Variants in ITPR1 observed in about 807,000 individuals in gnomAD.
The protein encoded by ITPR1 is inositol 1,4,5-trisphosphate-gated calcium channel ITPR1.
A neutral mutation model predicts 318.4 loss-of-function variants in ITPR1; 96 were observed. That is an observed-to-expected ratio of 0.30 (90% CI 0.26 to 0.36). The LOEUF is 0.36. Ranked by LOEUF, ITPR1 falls within the 10% of genes least tolerant of loss-of-function variation. The probability of loss-of-function intolerance (pLI) is 1.00; values close to 1 mark genes in which losing one functional copy is unlikely to be tolerated. For missense variants in ITPR1, 2,440 were observed against 3,460.2 expected (o/e 0.71, Z 7.40); for synonymous variants, 1,312 against 1,289.9 (o/e 1.02, Z -0.37).
chr3:4,538,884 G>A (rs1490269814), intron 4 of ITPR1, among the ~76,000 whole-genome samples: 4 of 152,124 alleles, frequency 2.6e-5, no homozygotes, highest in African/African-American at 4.8e-5. Context: ...TAGGGGATGG[G>A]TGAGGGGAGG....
intron 52 of ITPR1, among the ~76,000 whole-genome samples, chr3:4,790,603 C>G (rs2047496048): frequency 1.3e-5 from 2 of 152,024 alleles, no homozygotes; most frequent in African/African-American, 4.8e-5. Context: ...ATGCATTTTC[C>G]CCTCTAAGTA....
chr3:4,800,295 T>G (rs527651551), intron 53 of ITPR1, 130 bp from the exon 54 acceptor site: 2 of 810,392 alleles, frequency 2.5e-6, no homozygotes, highest in African/African-American at 3.5e-5. Flanking sequence ...GGCAGAGAAT[T>G]TGAGGTGAGA....
intron 49 of ITPR1, among the ~76,000 whole-genome samples, chr3:4,781,183 T>C (rs1346156983): frequency 3.9e-5 from 6 of 152,228 alleles, no homozygotes. Context: ...AGGGCCTGAC[T>C]TGGTGTCAGT....
At chr3:4,581,179 T>C (rs2089298617) in intron 4 of ITPR1, among the ~76,000 whole-genome samples, 1 of 152,200 alleles carries the variant, frequency 6.6e-6, no homozygotes. Context: ...CCCAGCCACC[T>C]TGGAGAGTGT....
chr3:4,679,555 C>T (rs746381904), intron 24 of ITPR1, among the ~76,000 whole-genome samples: 6 of 152,202 alleles, frequency 3.9e-5, no homozygotes, highest in Non-Finnish European at 7.3e-5. Context: ...TTTGCTCTAT[C>T]CAGGCCCTCC....
Position 4,783,852 on chromosome 3 carries a change from A to C in ITPR1, c.6547A>C (p.Lys2183Gln), listed in dbSNP as rs1190249272. ...RHNKELQSML[K>Q]PGGQVDGDEA... ...TAACAAAGAACTTCAGAGCATGCTG[A>C]AACCTGGTGGCCAAGTGGACGGAGA... is the stretch of plus-strand genomic sequence containing the variant. Residue 2183 changes from lysine to glutamine, a missense_variant, in exon 51 of 62, where the codon AAA becomes CAA. Physicochemically the swap from Lys to Gln is moderately conservative, Grantham distance 53 (BLOSUM62 1). Transcript: ENST00000649015. 1 of 1,610,040 alleles carries C rather than the reference A, an allele frequency of 6.2e-7. No homozygotes were observed. The highest frequency in any genetic ancestry group is 8.5e-7 in the Non-Finnish European group (1 of 1,178,246).
chr3:4,743,880 G>T (rs2043884525), intron 44 of ITPR1, among the ~76,000 whole-genome samples: 1 of 152,232 alleles, frequency 6.6e-6, no homozygotes, highest in Non-Finnish European at 1.5e-5. Context: ...TGTCACCCAA[G>T]CTGGAGTGCA....
chr3:4,688,462 A>C, intron 30 of ITPR1, 33 bp from the exon 31 acceptor site: 1 of 1,610,930 alleles, frequency 6.2e-7, no homozygotes, highest in Non-Finnish European at 8.5e-7. Context: ...CTGGCCCAGC[A>C]ATCAGTGCTT....
At chr3:4,700,026 T>A in intron 35 of ITPR1, 85 bp downstream of exon 35, 1 of 1,217,212 alleles carries the variant, frequency 8.2e-7, no homozygotes, top group Non-Finnish European at 1.2e-6. Context: ...TAAGCAATTG[T>A]AAATGAACTG....
Position 4,787,982 on chromosome 3 carries a change from C to G in ITPR1, c.6651C>G (p.Val2217=), listed in dbSNP as rs2047313743. 1 of 1,612,604 alleles carries G rather than the reference C, an allele frequency of 6.2e-7. No individual in the cohort carries two copies. The highest frequency in any genetic ancestry group is 8.5e-7 in the Non-Finnish European group (1 of 1,179,196). ...VRLDRTMEQI[V]FPVPSICEFL... ...TAGACCGAACAATGGAACAGATAGT[C>G]TTTCCCGTGCCCAGCATATGTGAAT... The change falls in exon 52 of 62, where the codon GTC becomes GTG. Residue 2217 remains valine (V), a synonymous_variant. Transcript: ENST00000649015.
chr3:4,673,357 C>T lies in ITPR1; in HGVS notation c.2426C>T (p.Ser809Leu), dbSNP rs1392877496. 5.0e-6 allele frequency: 8 copies of T among 1,610,454 alleles called. No homozygotes were observed. Among genetic ancestry groups the T allele is most frequent in the Non-Finnish European group, 5.1e-6 (6 of 1,177,118 alleles). Residue 809 changes from serine to leucine, a missense_variant, in exon 21 of 62, where the codon TCG (serine) becomes TTG (leucine). Transcript: ENST00000649015. ...VTPVKYARLW[S>L]EIPSEIAIDD... Reference sequence around the variant, plus strand: ...CCCGTGAAATATGCCCGCCTCTGGTCGGAGATTCCCTCGGAGATCGCCATT... The same window carrying T: ...CCCGTGAAATATGCCCGCCTCTGGTTGGAGATTCCCTCGGAGATCGCCATT...
intron 40 of ITPR1, among the ~76,000 whole-genome samples, chr3:4,720,613 G>A (rs907172610): frequency 1.3e-5 from 2 of 152,136 alleles, no homozygotes; most frequent in African/African-American, 4.8e-5. Flanking sequence ...TGCCTCCTTG[G>A]AACTGTGGAA....
chr3:4,697,384 C>G (rs2094576619), intron 34 of ITPR1, 112 bp downstream of exon 34: 4 of 1,034,694 alleles, frequency 3.9e-6, no homozygotes, highest in Non-Finnish European at 5.4e-6. Flanking sequence ...AAGAAAACAG[C>G]TGCATCATTT....
chr3:4,709,257 T>C (rs906077999), intron 37 of ITPR1, among the ~76,000 whole-genome samples: 1 of 152,238 alleles, frequency 6.6e-6, no homozygotes, highest in Admixed American at 6.5e-5. Context: ...TCTTACAGTC[T>C]TGTTGGGAAA....
intron 40 of ITPR1, among the ~76,000 whole-genome samples, chr3:4,719,534 C>T (rs919154968): frequency 3.3e-5 from 5 of 152,250 alleles, no homozygotes; most frequent in African/African-American, 1.2e-4. Flanking sequence ...GGCCTCACAT[C>T]TGAACTGCGT....
chr3:4,713,769 G>T (rs1364683612), intron 39 of ITPR1, among the ~76,000 whole-genome samples: 1 of 152,196 alleles, frequency 6.6e-6, no homozygotes, highest in Admixed American at 6.5e-5. Context: ...TTTTCAGCTG[G>T]TGAAGAAATC....
At chr3:4,629,434 T>C (rs2092944901) in intron 5 of ITPR1, among the ~76,000 whole-genome samples, 1 of 152,194 alleles carries the variant, frequency 6.6e-6, no homozygotes, top group Non-Finnish European at 1.5e-5. Context: ...TGCTTATATC[T>C]TTCTCAGCAC....
chr3:4,840,522 A>T (rs2051266975), intron 61 of ITPR1, among the ~76,000 whole-genome samples: 1 of 152,204 alleles, frequency 6.6e-6, no homozygotes, highest in African/African-American at 2.4e-5. Context: ...AGACTCGAGC[A>T]ACGATAGCTT....
At chr3:4,768,837 C>A in intron 46 of ITPR1, 73 bp downstream of exon 46, 2 of 1,427,646 alleles carry the variant, frequency 1.4e-6, no homozygotes, top group South Asian at 1.3e-5. Context: ...TCTGATGGTT[C>A]AGCACCTCTC....
Sources: allele counts gnomAD v4.1 joint callset (sites outside exome capture counted in the v4.1 genomes callset), GRCh38; gene constraint gnomAD v4.1.1; transcripts MANE v1.5; gene names NCBI Gene and HGNC (gene_info 2026-07-23, HGNC 2026-07-21).